Variants in CSMD1 observed in about 807,000 individuals in gnomAD.
CSMD1 encodes CUB and Sushi multiple domains 1.
In CSMD1, 213 loss-of-function variants were observed where a neutral mutation model predicts 417.5. The ratio of observed to expected loss-of-function variants is 0.51; its 90% CI spans 0.46 to 0.57. CSMD1 has a LOEUF of 0.57. Ranked by LOEUF, CSMD1 falls within the 20% of genes least tolerant of loss-of-function variation. CSMD1 has a pLI of 0.00. For missense variants in CSMD1, 6,923 were observed against 4,529.7 expected (o/e 1.53, Z -15.17); for synonymous variants, 2,862 against 1,736.8 (o/e 1.65, Z -16.11).
chr8:4,143,627 C>G (rs958516836), intron 3 of CSMD1, among the ~76,000 whole-genome samples: 1 of 151,042 alleles, frequency 6.6e-6, no homozygotes, highest in African/African-American at 2.5e-5. Context: ...GAGGGTACAC[C>G]TGATACCGGA....
intron 6 of CSMD1, among the ~76,000 whole-genome samples, chr8:3,732,374 T>C (rs1352272600): frequency 6.6e-6 from 1 of 152,304 alleles, no homozygotes; most frequent in Non-Finnish European, 1.5e-5. Context: ...GAAATTTTAT[T>C]GTCAAGGACT....
chr8:4,273,644 A>T (rs1184830269), intron 3 of CSMD1, among the ~76,000 whole-genome samples: 2 of 152,188 alleles, frequency 1.3e-5, no homozygotes, highest in Non-Finnish European at 2.9e-5. Context: ...TAGAAACTCT[A>T]ATAGAGAGCA....
chr8:4,225,686 G>T (rs572774945), intron 3 of CSMD1, among the ~76,000 whole-genome samples: 1 of 152,088 alleles, frequency 6.6e-6, no homozygotes, highest in Non-Finnish European at 1.5e-5. Context: ...TTAGGAAACT[G>T]TCTCACCAGG....
intron 3 of CSMD1, among the ~76,000 whole-genome samples, chr8:4,095,400 A>G (rs1004929448): frequency 7.0e-6 from 1 of 143,004 alleles, no homozygotes; most frequent in Non-Finnish European, 1.5e-5. Flanking sequence ...AAAGTAAAAA[A>G]GAAAAAAAAA....
intron 54 of CSMD1, among the ~76,000 whole-genome samples, chr8:2,997,673 G>C (rs919343797): frequency 7.2e-5 from 11 of 152,232 alleles, no homozygotes; most frequent in Admixed American, 5.9e-4. Context: ...ACTTCGTAAA[G>C]ACAGTCATAA....
chr8:3,435,908 C>G (rs1814528987), intron 12 of CSMD1, among the ~76,000 whole-genome samples: 1 of 152,206 alleles, frequency 6.6e-6, no homozygotes, highest in African/African-American at 2.4e-5. Context: ...GATGAGTCTT[C>G]CCCTATAGCT....
At chr8:4,447,008 A>C (rs966272950) in intron 2 of CSMD1, among the ~76,000 whole-genome samples, 2 of 151,828 alleles carry the variant, frequency 1.3e-5, no homozygotes, top group Non-Finnish European at 2.9e-5. Flanking sequence ...AAACTGTTGC[A>C]TGGAAGGGAT....
intron 3 of CSMD1, among the ~76,000 whole-genome samples, chr8:4,330,495 C>G (rs907686834): frequency 1.3e-5 from 2 of 151,236 alleles, no homozygotes; most frequent in Non-Finnish European, 2.9e-5. Context: ...GAGGCTGAGA[C>G]AGGAGGATCA....
At chr8:4,095,580 C>A (rs752208842) in intron 3 of CSMD1, among the ~76,000 whole-genome samples, 1 of 152,072 alleles carries the variant, frequency 6.6e-6, no homozygotes, top group Non-Finnish European at 1.5e-5. Context: ...TTGGGAGAGT[C>A]AAAGAAAACC....
intron 23 of CSMD1, among the ~76,000 whole-genome samples, chr8:3,337,946 G>C (rs554125655): frequency 2.0e-5 from 3 of 152,122 alleles, no homozygotes; most frequent in African/African-American, 7.2e-5. Flanking sequence ...GCTCGGCTAG[G>C]TTTTCCCTAA....
chr8:3,558,312 T>TG (rs1799263129), intron 10 of CSMD1, among the ~76,000 whole-genome samples: 1 of 139,260 alleles, frequency 7.2e-6, no homozygotes, highest in African/African-American at 2.5e-5. Flanking sequence ...TGTTCACTCC[T>TG]CCAATGATGA....
intron 3 of CSMD1, among the ~76,000 whole-genome samples, chr8:4,172,204 A>C (rs1012746846): frequency 4.6e-5 from 7 of 152,138 alleles, no homozygotes; most frequent in African/African-American, 1.7e-4. Flanking sequence ...ACGCCATCTA[A>C]AATAAAACAC....
intron 2 of CSMD1, among the ~76,000 whole-genome samples, chr8:4,617,920 A>G (rs1801567872): frequency 6.6e-6 from 1 of 152,110 alleles, no homozygotes. Flanking sequence ...TTCCTATGCA[A>G]TAACACTTGT....
At chr8:3,733,910 T>C (rs1395474511) in intron 6 of CSMD1, among the ~76,000 whole-genome samples, 2 of 152,132 alleles carry the variant, frequency 1.3e-5, no homozygotes, top group African/African-American at 4.8e-5. Flanking sequence ...ATAGTTTATG[T>C]AGGGTTTGGT....
In CSMD1 at chr8:4,012,699, C is replaced by T. The variant is rs73503230; in HGVS notation, c.611-14589G>A. On this transcript the variant is annotated intron_variant, in intron 4 of 69. Transcript: ENST00000635120. ...TTATGTATCCAACTCCCTATTTCAA[C>T]TCCATAGAATGTCTAAATAGCAATC... Among the ~76,000 whole-genome samples the T allele has an allele frequency of 5.3e-3, 809 of 152,294 alleles. 7 individuals carry two copies. Among genetic ancestry groups the T allele is most frequent in the African/African-American group, 0.019 (778 of 41,544 alleles).
rs73660396 is a variant in CSMD1 at position 3,627,559 on chromosome 8, G to A, written c.1010-10762C>T. 3.6e-3 allele frequency among the ~76,000 whole-genome samples: 553 copies of A among 152,110 alleles called. 3 individuals are homozygous for A. The highest frequency in any genetic ancestry group is 0.013 in the African/African-American group (525 of 41,494). ...CCTCATCATAGTACATTACTTACAG[G>A]TATCTGTAAATGTGGAAAAGGTAAC... On this transcript the variant is annotated intron_variant, in intron 7 of 69. Coordinates refer to ENST00000635120, the MANE Select transcript of CSMD1 (RefSeq NM_033225.6).
intron 4 of CSMD1, among the ~76,000 whole-genome samples, chr8:4,002,697 G>A (rs1815783303): frequency 1.3e-5 from 2 of 152,322 alleles, no homozygotes; most frequent in Non-Finnish European, 2.9e-5. Context: ...GCAGTGTGGA[G>A]TGCTACAAGG....
intron 3 of CSMD1, among the ~76,000 whole-genome samples, chr8:4,284,309 C>T (rs530554959): frequency 4.6e-5 from 7 of 152,056 alleles, no homozygotes; most frequent in Middle Eastern, 6.8e-3. Context: ...CGGAGGTTGC[C>T]GTGAGCCGAG....
intron 3 of CSMD1, among the ~76,000 whole-genome samples, chr8:4,157,028 G>C (rs1450373057): frequency 6.6e-6 from 1 of 152,118 alleles, no homozygotes; most frequent in African/African-American, 2.4e-5. Flanking sequence ...GCATTGAGGG[G>C]CATGTTATGC....
Sources: allele counts gnomAD v4.1 joint callset (sites outside exome capture counted in the v4.1 genomes callset), GRCh38; gene constraint gnomAD v4.1.1; transcripts MANE v1.5; gene names NCBI Gene and HGNC (gene_info 2026-07-23, HGNC 2026-07-21).